The following PCGF6 variants were observed in gnomAD, a reference collection of about 807,000 sequenced individuals.
PCGF6 encodes the protein polycomb group RING finger protein 6.
In PCGF6, 24 loss-of-function variants were observed where a neutral mutation model predicts 45.5. That is an observed-to-expected ratio of 0.53 (90% CI 0.38 to 0.74). The LOEUF (loss-of-function observed/expected upper bound fraction) is 0.74. PCGF6 is among the 30% of genes least tolerant of loss of function. The pLI, the probability that PCGF6 is intolerant of heterozygous loss-of-function variation, is 0.00. For missense variants in PCGF6, 356 were observed against 443.2 expected, an observed-to-expected ratio of 0.80 and a Z score of 1.77; for synonymous variants, 152 against 162.1, an observed-to-expected ratio of 0.94 and a Z score of 0.47.
intron 8 of PCGF6, among the ~76,000 whole-genome samples, chr10:103,323,365 C>T (rs927217237): frequency 2.7e-5 from 4 of 149,030 alleles, no homozygotes; most frequent in South Asian, 2.1e-4. Context: ...GGCGCCATCT[C>T]GGCTCACTGC....
At chr10:103,320,198 G>A (rs1209084760) in intron 8 of PCGF6, among the ~76,000 whole-genome samples, 1 of 152,098 alleles carries the variant, frequency 6.6e-6, no homozygotes, top group Non-Finnish European at 1.5e-5. Flanking sequence ...AATGTGAGGT[G>A]TATGTTCTAA....
intron 3 of PCGF6, 178 bp downstream of exon 3, chr10:103,348,538 T>A: frequency 4.4e-6 from 2 of 454,800 alleles, no homozygotes; most frequent in Non-Finnish European, 7.8e-6. Context: ...TTGGCCAGGT[T>A]GGTCTTGAAC....
At position 103,348,901 on chromosome 10, in the gene PCGF6, G is replaced by A. The variant is rs1270122806; in HGVS notation, c.459C>T (p.Thr153=). 1.2e-6 allele frequency: 2 copies of A among 1,610,462 alleles called. No individual in the cohort carries two copies. The highest frequency in any genetic ancestry group is 1.7e-5 in the Admixed American group (1 of 59,892). ...CAGAAATGTGATCGGTATGCTTACA[G>A]GTATGAAGACATTCTGTGATGGTAG... is the stretch of plus-strand genomic sequence containing the variant. ...DATTITECLH[T]FCKSCIVRHF... Residue 153 remains threonine, a splice_region_variant and synonymous_variant, in exon 2 of 10, where the codon ACC becomes ACT. Transcript: ENST00000369847.
intron 6 of PCGF6, among the ~76,000 whole-genome samples, chr10:103,338,826 C>T (rs2093268175): frequency 6.6e-6 from 1 of 151,968 alleles, no homozygotes; most frequent in Non-Finnish European, 1.5e-5. Flanking sequence ...CGAGATCACA[C>T]CACTACACTC....
chr10:103,322,346 T>C (rs1378685277), intron 8 of PCGF6, among the ~76,000 whole-genome samples: 2 of 152,028 alleles, frequency 1.3e-5, no homozygotes, highest in Admixed American at 1.3e-4. Flanking sequence ...GGATTACAGG[T>C]GTGCGCTTAA....
intron 6 of PCGF6, among the ~76,000 whole-genome samples, chr10:103,342,188 G>A (rs1267921209): frequency 2.0e-5 from 3 of 151,042 alleles, no homozygotes; most frequent in African/African-American, 4.9e-5. Context: ...CGCCCACCTC[G>A]GCCTCCTCAA....
chr10:103,326,306 G>A (rs1016705777), intron 8 of PCGF6, among the ~76,000 whole-genome samples: 4 of 150,328 alleles, frequency 2.7e-5, no homozygotes, highest in East Asian at 3.9e-4. Flanking sequence ...GAAGAATGGC[G>A]TGAACCCGGG....
chr10:103,330,487 T>TAA (rs111668776), intron 7 of PCGF6, among the ~76,000 whole-genome samples: 3 of 151,710 alleles, frequency 2.0e-5, no homozygotes, highest in African/African-American at 7.3e-5. Context: ...GCTTAGGTAT[T>TAA]AAAAAAAAAT....
At chr10:103,333,281 A>G (rs1306226018) in intron 7 of PCGF6, among the ~76,000 whole-genome samples, 1 of 152,158 alleles carries the variant, frequency 6.6e-6, no homozygotes, top group African/African-American at 2.4e-5. Context: ...ACAGTACAGT[A>G]TATCCAACTA....
rs1437537199 is a variant in PCGF6 at position 103,347,233 on chromosome 10, C to A, written c.673+5G>T. On this transcript the variant is annotated splice_donor_5th_base_variant and intron_variant, in intron 5 of 9. Transcript: ENST00000369847. ...AAGTACATTATAGTATACACCCAAA[C>A]TTACCAGGTTTAGGTACTTCTAGAC... The A allele has an allele frequency of 6.3e-7, 1 of 1,599,552 alleles. No homozygotes were observed. The highest frequency in any genetic ancestry group is 2.2e-5 in the East Asian group (1 of 44,678).
At position 103,350,914 on chromosome 10, in the gene PCGF6, C is replaced by T. The variant is rs781435923; in HGVS notation, c.153G>A (p.Thr51=). 3.0e-5 allele frequency: 46 copies of T among 1,514,332 alleles called. No homozygotes were observed. The highest frequency in any genetic ancestry group is 3.9e-5 in the Non-Finnish European group (44 of 1,136,014). 93.8% of individuals were successfully genotyped at this position (1,514,332 alleles called of 1,614,324 possible). ...GGGAGCCGGAGCAGCCGGGAGCCCC[C>T]GTCTCAGACAGAGGCGCCGGTCCCT... ...GEEGPAPLSE[T]GAPGCSGSRP... The change falls in exon 1 of 10, where the codon ACG becomes ACA. Residue 51 remains threonine, a synonymous_variant. Coordinates refer to ENST00000369847, the MANE Select transcript of PCGF6 (RefSeq NM_001011663.2).
At chr10:103,315,992 G>GTATATA (rs1343847667) in intron 8 of PCGF6, among the ~76,000 whole-genome samples, 13 of 112,434 alleles carry the variant, frequency 1.2e-4, no homozygotes, top group African/African-American at 2.6e-4. Flanking sequence ...GTGTGTGTGT[G>GTATATA]TGTATATATA....
intron 7 of PCGF6, among the ~76,000 whole-genome samples, chr10:103,328,573 AAAAT>A (rs1411371178): frequency 6.6e-6 from 1 of 152,194 alleles, no homozygotes; most frequent in Non-Finnish European, 1.5e-5. Context: ...CTCTATTTGT[AAAAT>A]AGATAAAAAT....
intron 3 of PCGF6, among the ~76,000 whole-genome samples, chr10:103,347,777 T>C (rs1414388229): frequency 6.6e-6 from 1 of 152,102 alleles, no homozygotes; most frequent in African/African-American, 2.4e-5. Context: ...CAGCCTCCAC[T>C]TCCTAGGCTT....
intron 1 of PCGF6, 78 bp downstream of exon 1, chr10:103,350,629 C>T (rs1159281726): frequency 7.5e-7 from 1 of 1,331,502 alleles, no homozygotes; most frequent in East Asian, 3.0e-5. Context: ...AGGATCGGGC[C>T]GGCGCCCGGC....
intron 6 of PCGF6, among the ~76,000 whole-genome samples, chr10:103,341,634 G>A (rs569737055): frequency 1.2e-4 from 18 of 150,872 alleles, no homozygotes; most frequent in Admixed American, 2.0e-4. Context: ...TAGTAAAGAC[G>A]GGTTTCACCA....
chr10:103,341,683 A>G (rs748998217), intron 6 of PCGF6, among the ~76,000 whole-genome samples: 2 of 151,884 alleles, frequency 1.3e-5, no homozygotes, highest in Non-Finnish European at 2.9e-5. Context: ...ATGTCAAGTA[A>G]TCTGCCCACC....
intron 8 of PCGF6, among the ~76,000 whole-genome samples, chr10:103,323,225 A>C (rs538175906): frequency 6.6e-6 from 1 of 152,214 alleles, no homozygotes; most frequent in Non-Finnish European, 1.5e-5. Flanking sequence ...CAGTTAGAGA[A>C]GTCATATTTC....
At position 103,303,107 on chromosome 10, in the gene PCGF6, T is replaced by C. The variant is rs1176259216; in HGVS notation, c.*798A>G. 1 of 152,644 alleles carries C rather than the reference T, an allele frequency of 6.6e-6. No homozygotes were observed. Among genetic ancestry groups the C allele is most frequent in the Non-Finnish European group, 1.5e-5 (1 of 68,044 alleles). The allele number at this position is 152,644 out of a possible 1,614,324, so 9.5% of individuals were successfully genotyped here. ...TACTAAGAAAACAATGAATAAGTAA[T>C]TCTGTAAACTTCTCAAATTCTCCTA... On this transcript the variant is annotated 3_prime_UTR_variant, in exon 10 of 10. Coordinates refer to ENST00000369847, the MANE Select transcript of PCGF6 (RefSeq NM_001011663.2).
Sources: allele counts gnomAD v4.1 joint callset (sites outside exome capture counted in the v4.1 genomes callset), GRCh38; gene constraint gnomAD v4.1.1; transcripts MANE v1.5; gene names NCBI Gene and HGNC (gene_info 2026-07-23, HGNC 2026-07-21).